Variants in RAB43 observed in about 807,000 individuals in gnomAD.
RAB43 encodes the protein RAB43, member RAS oncogene family.
Under a neutral mutation model 18.8 loss-of-function variants are expected in RAB43, and 6 were observed. The observed-to-expected ratio is 0.32, with a 90% CI of 0.17 to 0.63. The LOEUF (loss-of-function observed/expected upper bound fraction) is 0.63, where lower values mean the gene tolerates loss of function less well. Among genes scored for constraint, RAB43 ranks in the 30% least tolerant of loss-of-function variants. The pLI is 0.79. For missense variants in RAB43, 195 were observed against 289.1 expected, an observed-to-expected ratio of 0.67 and a Z score of 2.36; for synonymous variants, 103 against 124.1, an observed-to-expected ratio of 0.83 and a Z score of 1.13.
chr3:129,114,906 C>T (rs576247281), intron 1 of RAB43, among the ~76,000 whole-genome samples: 1 of 152,238 alleles, frequency 6.6e-6, no homozygotes, highest in African/African-American at 2.4e-5. Flanking sequence ...GATAGGACAA[C>T]AGGTCAATGA....
At position 129,117,090 on chromosome 3, in the gene RAB43, T is replaced by C. The variant is rs1935588064; in HGVS notation, c.204+4196A>G. 2.0e-5 allele frequency among the ~76,000 whole-genome samples: 3 copies of C among 152,166 alleles called. No homozygotes were observed. In the South Asian group the frequency reaches 6.2e-4, roughly 32 times the overall value. ...GAAATGAGTAACACTGATGGCTTCT[T>C]CTTAGAGGACACTGGGTGGCTTACG... On this transcript the variant is annotated intron_variant, in intron 1 of 2. Coordinates refer to ENST00000315150, the MANE Select transcript of RAB43 (RefSeq NM_198490.3).
chr3:129,106,134 G>C (rs867620396), intron 1 of RAB43, among the ~76,000 whole-genome samples: 1 of 152,210 alleles, frequency 6.6e-6, no homozygotes, highest in African/African-American at 2.4e-5. Flanking sequence ...TAGGTTAAAA[G>C]CACCACTGAA....
At chr3:129,115,444 C>T (rs1935460325) in intron 1 of RAB43, among the ~76,000 whole-genome samples, 1 of 151,962 alleles carries the variant, frequency 6.6e-6, no homozygotes. Flanking sequence ...GCGGAGGTTG[C>T]AGTGAGCAGA....
chr3:129,100,548 A>G (rs1300309164), intron 1 of RAB43, among the ~76,000 whole-genome samples: 2 of 152,240 alleles, frequency 1.3e-5, no homozygotes, highest in Non-Finnish European at 2.9e-5. Flanking sequence ...TTTGCTTAAA[A>G]TAAAAACTAA....
intron 1 of RAB43, among the ~76,000 whole-genome samples, chr3:129,114,023 C>T (rs6767068): frequency 0.88 from 133,628 of 151,886 alleles, 59,900 homozygotes; most frequent in Non-Finnish European, 0.97. Context: ...CAGAGCGAGA[C>T]TCCGTCTCGA....
At chr3:129,094,504 TC>T in intron 2 of RAB43, among the ~76,000 whole-genome samples, 1 of 122,108 alleles carries the variant, frequency 8.2e-6, no homozygotes, top group African/African-American at 3.0e-5. Context: ...AATATAACTT[TC>T]TTTTTTTTTT....
intron 2 of RAB43, chr3:129,092,558 C>A (rs1047407986): frequency 2.9e-6 from 2 of 691,536 alleles, no homozygotes; most frequent in Non-Finnish European, 5.3e-6. Context: ...GCCAGGAGTT[C>A]AAGATCAGCC....
chr3:129,095,113 G>A lies in RAB43; in HGVS notation c.261C>T (p.Tyr87=). 2 of 1,613,872 alleles carry A rather than the reference G, an allele frequency of 1.2e-6. No individual in the cohort carries two copies. The highest frequency in any genetic ancestry group is 1.7e-6 in the Non-Finnish European group (2 of 1,179,864). ...GGATGGCCCCATTGGCACTGCGGTA[G>A]TAGCTCTGGGTGATGGTGCGGAACC... ...QERFRTITQS[Y]YRSANGAILA... Residue 87 remains tyrosine (Y), a synonymous_variant, in exon 2 of 3, where the codon TAC becomes TAT. Transcript: ENST00000315150. This position sits in a 1 kb window ranked among gnomAD's most constrained non-coding sequence, Gnocchi z 4.2.
At chr3:129,101,822 T>G (rs955100690) in intron 1 of RAB43, among the ~76,000 whole-genome samples, 4 of 152,288 alleles carry the variant, frequency 2.6e-5, no homozygotes, top group Non-Finnish European at 4.4e-5. Context: ...CACTGGAGAT[T>G]GTCTCAGGCA....
chr3:129,097,435 C>A (rs1316053012), intron 1 of RAB43, among the ~76,000 whole-genome samples: 1 of 152,166 alleles, frequency 6.6e-6, no homozygotes, highest in Non-Finnish European at 1.5e-5. Flanking sequence ...TCTACCCAAC[C>A]AACCAGTAGT....
chr3:129,102,640 A>AAAAAAAAAAAAAAAAAAC (rs1934499920), intron 1 of RAB43, among the ~76,000 whole-genome samples: 1 of 150,920 alleles, frequency 6.6e-6, no homozygotes, highest in Admixed American at 6.6e-5. Flanking sequence ...CAAAAAAAAA[A>AAAAAAAAAAAAAAAAAAC]AAATCACTCA....
Position 129,095,391 on chromosome 3 carries a change from G to C in RAB43, c.205-222C>G. Among the ~76,000 whole-genome samples, 1 of 151,602 alleles carries C rather than the reference G, an allele frequency of 6.6e-6. No individual in the cohort carries two copies. The highest frequency in any genetic ancestry group is 1.9e-4 in the East Asian group (1 of 5,194). ...TGGCCCTCTAGGGTCCCCAGGGAAA[G>C]ATGGAGGAAGGGGTACACTCTGAGC... On this transcript the variant is annotated intron_variant, in intron 1 of 2. Transcript: ENST00000315150. This position sits in a 1 kb window ranked among gnomAD's most constrained non-coding sequence, Gnocchi z 4.2.
At chr3:129,117,656 C>T (rs776972039) in intron 1 of RAB43, among the ~76,000 whole-genome samples, 26 of 152,246 alleles carry the variant, frequency 1.7e-4, no homozygotes, top group Non-Finnish European at 3.4e-4. Flanking sequence ...CCCCATTCCA[C>T]ATTCTTCTCT....
rs987382574 is a variant in RAB43 at position 129,090,215 on chromosome 3, G to T, written c.*881C>A. 2.0e-5 allele frequency: 3 copies of T among 151,696 alleles called. No individual in the cohort carries two copies. Among genetic ancestry groups the T allele is most frequent in the African/African-American group, 7.3e-5 (3 of 41,228 alleles). The allele number at this position is 151,696 out of a possible 1,614,324, so 9.4% of individuals were successfully genotyped here. On this transcript the variant is annotated 3_prime_UTR_variant, in exon 3 of 3. Transcript: ENST00000315150. ...GGCTGGCAGGATTCCTGCTTGTGGGGTAAGGCTGGGTGCCTTGCGGTGCCC... is the reference window on the plus strand; with the variant it reads ...GGCTGGCAGGATTCCTGCTTGTGGGTTAAGGCTGGGTGCCTTGCGGTGCCC...
intron 1 of RAB43, among the ~76,000 whole-genome samples, chr3:129,117,792 G>C (rs1397468187): frequency 6.6e-6 from 1 of 152,154 alleles, no homozygotes; most frequent in Admixed American, 6.5e-5. Context: ...CTGGGCTTAG[G>C]AGCCAGCCAA....
At chr3:129,117,980 G>A (rs555662558) in intron 1 of RAB43, among the ~76,000 whole-genome samples, 18 of 152,360 alleles carry the variant, frequency 1.2e-4, no homozygotes, top group Non-Finnish European at 2.2e-4. Context: ...TTAATTTGAA[G>A]CTGTGGTAAG....
chr3:129,103,847 G>A (rs1934584590), intron 1 of RAB43, among the ~76,000 whole-genome samples: 2 of 152,274 alleles, frequency 1.3e-5, no homozygotes, highest in African/African-American at 2.4e-5. Flanking sequence ...TTACAGGCAC[G>A]AGCCACCGCA....
At chr3:129,115,298 G>T (rs1560005081) in intron 1 of RAB43, among the ~76,000 whole-genome samples, 1 of 151,562 alleles carries the variant, frequency 6.6e-6, no homozygotes, top group Non-Finnish European at 1.5e-5. Context: ...AACCAGCCTG[G>T]CCAACATGGT....
At chr3:129,100,418 C>G (rs944615039) in intron 1 of RAB43, among the ~76,000 whole-genome samples, 9 of 152,202 alleles carry the variant, frequency 5.9e-5, no homozygotes, top group Non-Finnish European at 1.0e-4. Context: ...GACTGAGACC[C>G]TATTTCAAAA....
Sources: allele counts gnomAD v4.1 joint callset (sites outside exome capture counted in the v4.1 genomes callset), GRCh38; gene constraint gnomAD v4.1.1; non-coding constraint Gnocchi (gnomAD v3.1); transcripts MANE v1.5; gene names NCBI Gene and HGNC (gene_info 2026-07-23, HGNC 2026-07-21).